SYNJ2BP: variants seen among roughly 807,000 people sequenced by gnomAD.
SYNJ2BP encodes the protein synaptojanin 2 binding protein, also known as synaptojanin-2-binding protein.
A neutral mutation model predicts 16.9 loss-of-function variants in SYNJ2BP; 10 were observed. The observed-to-expected ratio is 0.59, with a 90% CI of 0.36 to 1.00. The LOEUF is 1.00. SYNJ2BP is among the 50% of genes least tolerant of loss of function. The pLI is 0.01. For synonymous variants in SYNJ2BP, 54 were observed against 68.4 expected, an observed-to-expected ratio of 0.79 and a Z score of 1.04; for missense variants, 162 against 186.7, an observed-to-expected ratio of 0.87 and a Z score of 0.77.
At chr14:70,395,847 T>G (rs1278709851) in intron 1 of SYNJ2BP, among the ~76,000 whole-genome samples, 1 of 152,234 alleles carries the variant, frequency 6.6e-6, no homozygotes, top group Non-Finnish European at 1.5e-5. Context: ...TATTAATTTG[T>G]GTATTCTAGG....
chr14:70,394,872 T>C (rs1475205738), intron 1 of SYNJ2BP, among the ~76,000 whole-genome samples: 1 of 152,202 alleles, frequency 6.6e-6, no homozygotes, highest in Non-Finnish European at 1.5e-5. Context: ...GTTTAAAAGG[T>C]GAGGCATGGA....
At position 70,385,380 on chromosome 14, in the gene SYNJ2BP, A is replaced by ATC. The variant is rs1887838400; in HGVS notation, c.201+3089_201+3090insGA. On this transcript the variant is annotated intron_variant, in intron 2 of 3. Transcript: ENST00000256366. ...ATTTTATTTTATTTTATTTTGAGATAGAGTCTCACTCCGTCGCCCAGGCTG... is the reference window on the plus strand; with the variant it reads ...ATTTTATTTTATTTTATTTTGAGATATCGAGTCTCACTCCGTCGCCCAGGCTG... 1.3e-5 allele frequency among the ~76,000 whole-genome samples: 2 copies of ATC among 151,910 alleles called. 1 individual carries two copies. Among genetic ancestry groups the ATC allele is most frequent in the South Asian group, 4.1e-4 (2 of 4,820 alleles).
chr14:70,399,410 G>C (rs1005989767), intron 1 of SYNJ2BP, among the ~76,000 whole-genome samples: 3 of 152,210 alleles, frequency 2.0e-5, no homozygotes, highest in African/African-American at 7.2e-5. Flanking sequence ...GCCCAGCCCT[G>C]CCTCCTCCCC....
intron 1 of SYNJ2BP, among the ~76,000 whole-genome samples, chr14:70,416,559 A>G (rs569710510): frequency 6.6e-6 from 1 of 152,178 alleles, no homozygotes; most frequent in African/African-American, 2.4e-5. Flanking sequence ...AGGGGGAGGG[A>G]TAGAACAGGC....
At chr14:70,409,613 A>T (rs1354816715) in intron 1 of SYNJ2BP, among the ~76,000 whole-genome samples, 2 of 152,184 alleles carry the variant, frequency 1.3e-5, no homozygotes, top group Non-Finnish European at 2.9e-5. Flanking sequence ...ATCTTTAGAG[A>T]ACTGTTCCAT....
rs1020465113 is a variant in SYNJ2BP at position 70,370,252 on chromosome 14, C to T, written c.*2739G>A. 1 of 152,192 alleles carries T rather than the reference C, an allele frequency of 6.6e-6. No homozygotes were observed. Among genetic ancestry groups the T allele is most frequent in the African/African-American group, 2.4e-5 (1 of 41,438 alleles). The allele number at this position is 152,192 out of a possible 1,614,324, so 9.4% of individuals were successfully genotyped here. On this transcript the variant is annotated 3_prime_UTR_variant, in exon 4 of 4. Transcript: ENST00000256366. ...TTTTTTCACTTTGTGTGTCTCAAGGCTCTCTCAGGAATCAGTGTCCAAACC... is the reference window on the plus strand; with the variant it reads ...TTTTTTCACTTTGTGTGTCTCAAGGTTCTCTCAGGAATCAGTGTCCAAACC...
At chr14:70,413,344 T>C (rs145039353) in intron 1 of SYNJ2BP, among the ~76,000 whole-genome samples, 2 of 152,194 alleles carry the variant, frequency 1.3e-5, no homozygotes, top group Non-Finnish European at 2.9e-5. Context: ...CCATTGAAAG[T>C]AGTGGTACTT....
At chr14:70,401,404 T>C (rs984461903) in intron 1 of SYNJ2BP, among the ~76,000 whole-genome samples, 1 of 151,998 alleles carries the variant, frequency 6.6e-6, no homozygotes, top group Non-Finnish European at 1.5e-5. Flanking sequence ...GAGACCAGCC[T>C]GGGCAATGTA....
chr14:70,399,449 G>C (rs1888184494), intron 1 of SYNJ2BP, among the ~76,000 whole-genome samples: 1 of 152,246 alleles, frequency 6.6e-6, no homozygotes, highest in African/African-American at 2.4e-5. Flanking sequence ...CAGCAGGCAA[G>C]AGAGGCAATG....
At chr14:70,393,628 AG>A (rs1374672119) in intron 1 of SYNJ2BP, among the ~76,000 whole-genome samples, 1 of 152,244 alleles carries the variant, frequency 6.6e-6, no homozygotes, top group African/African-American at 2.4e-5. Context: ...GCCATAAAAA[AG>A]AATGAGTTCA....
chr14:70,386,516 C>A (rs1353409577), intron 2 of SYNJ2BP, among the ~76,000 whole-genome samples: 1 of 152,172 alleles, frequency 6.6e-6, no homozygotes, highest in African/African-American at 2.4e-5. Context: ...GCTACTTGTT[C>A]TGATTTTCTT....
At position 70,368,016 on chromosome 14, in the gene SYNJ2BP, TG is replaced by T. The variant is rs1165812277; in HGVS notation, c.*4974del. 6.6e-6 allele frequency: 1 copy of T among 152,196 alleles called. No individual in the cohort carries two copies. Among genetic ancestry groups the T allele is most frequent in the East Asian group, 1.9e-4 (1 of 5,198 alleles). The allele number at this position is 152,196 out of a possible 1,614,324, so 9.4% of individuals were successfully genotyped here. A position where few individuals can be genotyped will look rare whatever the true frequency, so the allele number is the denominator to read the frequency against. ...CACTAAAATTGACTATAATAAAATC[TG>T]TATGGGCTCCACATGAAAACTACAT... On this transcript the variant is annotated 3_prime_UTR_variant, in exon 4 of 4. Transcript: ENST00000256366.
chr14:70,415,365 G>A (rs960228316), intron 1 of SYNJ2BP, among the ~76,000 whole-genome samples: 6 of 151,480 alleles, frequency 4.0e-5, no homozygotes, highest in African/African-American at 7.3e-5. Flanking sequence ...CCTGGGCAAC[G>A]TAGTGAAACA....
intron 1 of SYNJ2BP, among the ~76,000 whole-genome samples, chr14:70,410,968 A>G: frequency 6.6e-6 from 1 of 152,222 alleles, no homozygotes; most frequent in East Asian, 1.9e-4. Context: ...CTGTTTACCT[A>G]TATAACAAAC....
Position 70,377,875 on chromosome 14 carries a change from G to A in SYNJ2BP, c.202-2104C>T, listed in dbSNP as rs1016987842. ...CTCCCATCTTCTTTCCTCTTTCTTT[G>A]ACTGCTAAATTTGTTCTAAGAACTG... On this transcript the variant is annotated intron_variant, in intron 2 of 3. Coordinates refer to ENST00000256366, the MANE Select transcript of SYNJ2BP (RefSeq NM_018373.3). Among the ~76,000 whole-genome samples the A allele has an allele frequency of 2.5e-4, 38 of 152,098 alleles. 1 individual carries two copies. The highest frequency in any genetic ancestry group is 1.6e-3 in the Admixed American group (25 of 15,280).
intron 2 of SYNJ2BP, among the ~76,000 whole-genome samples, chr14:70,385,511 C>T (rs1352791870): frequency 6.6e-6 from 1 of 151,842 alleles, no homozygotes; most frequent in African/African-American, 2.4e-5. Flanking sequence ...GGCGCGTGCA[C>T]CAAGGCGCGT....
rs1190022965 is a variant in SYNJ2BP, at chr14:70,370,975, G to A, written c.*2016C>T. 6.6e-6 allele frequency: 1 copy of A among 152,184 alleles called. No individual in the cohort carries two copies. The highest frequency in any genetic ancestry group is 1.5e-5 in the Non-Finnish European group (1 of 68,024). 9.4% of individuals were successfully genotyped at this position (152,184 alleles called of 1,614,324 possible). ...AAAAGCCCTATGGGATGGAGGATATGCACTGTACTTCTTTGTAAAAGTGTC... is the reference window on the plus strand; with the variant it reads ...AAAAGCCCTATGGGATGGAGGATATACACTGTACTTCTTTGTAAAAGTGTC... On this transcript the variant is annotated 3_prime_UTR_variant, in exon 4 of 4. Transcript: ENST00000256366.
At chr14:70,374,785 T>C (rs949545542) in intron 3 of SYNJ2BP, among the ~76,000 whole-genome samples, 3 of 152,204 alleles carry the variant, frequency 2.0e-5, no homozygotes, top group Non-Finnish European at 4.4e-5. Context: ...ACCATCTTTG[T>C]AGTGTTTTAT....
chr14:70,388,327 T>C, intron 2 of SYNJ2BP, 143 bp downstream of exon 2: 1 of 1,267,396 alleles, frequency 7.9e-7, no homozygotes, highest in Non-Finnish European at 1.0e-6. Flanking sequence ...TTGGAAAGAA[T>C]GACTGATCAA....
Sources: allele counts gnomAD v4.1 joint callset (sites outside exome capture counted in the v4.1 genomes callset), GRCh38; gene constraint gnomAD v4.1.1; transcripts MANE v1.5; gene names NCBI Gene and HGNC (gene_info 2026-07-23, HGNC 2026-07-21).